Variants in DEPDC1B observed in about 807,000 individuals in gnomAD.
The protein encoded by DEPDC1B is DEP domain-containing protein 1B.
DEPDC1B carries 51 observed loss-of-function variants against 66.5 expected under a neutral mutation model. The observed-to-expected ratio is 0.77, with a 90% CI of 0.61 to 0.97. The LOEUF is 0.97. Among genes scored for constraint, DEPDC1B ranks in the 50% least tolerant of loss-of-function variants. The pLI, the probability that DEPDC1B is intolerant of heterozygous loss-of-function variation, is 0.00. For missense variants in DEPDC1B, 552 were observed against 637.1 expected (o/e 0.87, Z 1.44); for synonymous variants, 226 against 223.6 (o/e 1.01, Z -0.10).
intron 2 of DEPDC1B, among the ~76,000 whole-genome samples, chr5:60,650,700 T>C (rs1753429190): frequency 1.3e-5 from 2 of 152,176 alleles, no homozygotes; most frequent in South Asian, 4.2e-4. Flanking sequence ...CTGAGCCAAC[T>C]GGTTATCCAT....
intron 2 of DEPDC1B, among the ~76,000 whole-genome samples, chr5:60,652,572 G>A (rs1477573022): frequency 6.7e-6 from 1 of 149,072 alleles, no homozygotes; most frequent in Non-Finnish European, 1.5e-5. Context: ...TAGGAACTCA[G>A]TTTATAAGGT....
chr5:60,658,436 G>A (rs1460378160), intron 2 of DEPDC1B, among the ~76,000 whole-genome samples: 2 of 152,018 alleles, frequency 1.3e-5, no homozygotes, highest in Admixed American at 6.6e-5. Flanking sequence ...ATGTCAAAGG[G>A]AAGATCTGGG....
intron 2 of DEPDC1B, among the ~76,000 whole-genome samples, chr5:60,653,788 G>A (rs1753512885): frequency 7.6e-6 from 1 of 132,324 alleles, no homozygotes; most frequent in Admixed American, 7.4e-5. Context: ...TGCATAAGGT[G>A]AGAGATGAGG....
At chr5:60,623,333 A>G (rs1384234623) in intron 7 of DEPDC1B, among the ~76,000 whole-genome samples, 3 of 152,134 alleles carry the variant, frequency 2.0e-5, no homozygotes, top group Admixed American at 6.5e-5. Context: ...AGGCCTAAAT[A>G]TCTATCCTTA....
chr5:60,687,138 C>T lies in DEPDC1B; in HGVS notation c.138G>A (p.Ala46=), dbSNP rs753975071. Reference sequence around the variant, plus strand: ...CATGCAGCCAATCCACAGCTTCGGCCGCTGTGAAACAATGCTCATAGCTCT... The same window carrying T: ...CATGCAGCCAATCCACAGCTTCGGCTGCTGTGAAACAATGCTCATAGCTCT... ...RFKSYEHCFT[A]AEAVDWLHEL... Residue 46 remains alanine (A), a synonymous_variant, in exon 2 of 11, where the codon GCG becomes GCA. Coordinates refer to ENST00000265036, the MANE Select transcript of DEPDC1B (RefSeq NM_018369.3). 117 of 1,613,998 alleles carry T rather than the reference C, an allele frequency of 7.2e-5. No homozygotes were observed. Among genetic ancestry groups the T allele is most frequent in the Admixed American group, 8.3e-5 (5 of 59,992 alleles).
intron 1 of DEPDC1B, among the ~76,000 whole-genome samples, chr5:60,698,226 C>G (rs971790741): frequency 6.6e-6 from 1 of 152,172 alleles, no homozygotes; most frequent in African/African-American, 2.4e-5. Flanking sequence ...ATAGAGTGTT[C>G]GCAAAGATGA....
rs184954449 is a variant in DEPDC1B at position 60,668,389 on chromosome 5, C to T, written c.314+18573G>A. On this transcript the variant is annotated intron_variant, in intron 2 of 10. Transcript: ENST00000265036. ...TCCCAGGTTCAAGCAATTGTCCTGCCTCAGCCTCCCAAGTAGCTTGGACTA... is the reference window on the plus strand; with the variant it reads ...TCCCAGGTTCAAGCAATTGTCCTGCTTCAGCCTCCCAAGTAGCTTGGACTA... Among the ~76,000 whole-genome samples, 521 of 150,938 alleles carry T rather than the reference C, an allele frequency of 3.5e-3. 2 individuals are homozygous for T. The highest frequency in any genetic ancestry group is 6.0e-3 in the Non-Finnish European group (406 of 67,782).
intron 9 of DEPDC1B, among the ~76,000 whole-genome samples, chr5:60,600,964 G>A (rs1205607055): frequency 2.0e-5 from 3 of 152,186 alleles, no homozygotes; most frequent in African/African-American, 7.2e-5. Flanking sequence ...TTCCCCCCAT[G>A]CTGTTCTTAT....
intron 1 of DEPDC1B, among the ~76,000 whole-genome samples, chr5:60,694,132 T>A (rs1232534016): frequency 6.6e-6 from 1 of 152,180 alleles, no homozygotes; most frequent in Non-Finnish European, 1.5e-5. Flanking sequence ...AGAGTTTGCA[T>A]GTCTTACTCC....
At chr5:60,682,108 C>A (rs763674262) in intron 2 of DEPDC1B, among the ~76,000 whole-genome samples, 4 of 152,056 alleles carry the variant, frequency 2.6e-5, no homozygotes, top group African/African-American at 9.7e-5. Flanking sequence ...GAAGAAAAAA[C>A]CAACCCAAAT....
chr5:60,609,624 C>T (rs965830406), intron 7 of DEPDC1B, among the ~76,000 whole-genome samples: 2 of 152,112 alleles, frequency 1.3e-5, no homozygotes, highest in African/African-American at 4.8e-5. Context: ...GGGGAGAAAA[C>T]CCACTGTAAG....
At chr5:60,643,879 T>A (rs1391765727) in intron 5 of DEPDC1B, among the ~76,000 whole-genome samples, 4 of 152,218 alleles carry the variant, frequency 2.6e-5, no homozygotes, top group Non-Finnish European at 5.9e-5. Context: ...GTTCTGCTCC[T>A]GTCAGGAAAC....
chr5:60,608,626 A>C (rs1169780593), intron 7 of DEPDC1B, among the ~76,000 whole-genome samples: 1 of 137,592 alleles, frequency 7.3e-6, no homozygotes, highest in Non-Finnish European at 1.5e-5. Flanking sequence ...ATATTTTAAA[A>C]TTAAGAGTAC....
At chr5:60,641,325 T>C (rs904227785) in intron 6 of DEPDC1B, among the ~76,000 whole-genome samples, 1 of 151,746 alleles carries the variant, frequency 6.6e-6, no homozygotes, top group Non-Finnish European at 1.5e-5. Context: ...TAGCTTCCTA[T>C]GTTCATTCCT....
At chr5:60,647,296 T>G in intron 3 of DEPDC1B, 102 bp downstream of exon 3, 1 of 1,421,032 alleles carries the variant, frequency 7.0e-7, no homozygotes, top group Non-Finnish European at 9.3e-7. Context: ...TAAAGTACCT[T>G]TAAATTATTG....
intron 1 of DEPDC1B, among the ~76,000 whole-genome samples, chr5:60,693,862 G>A (rs909747998): frequency 4.6e-5 from 7 of 151,942 alleles, no homozygotes; most frequent in East Asian, 1.9e-4. Context: ...ATGTAGGGCC[G>A]GGGGAAGGGG....
intron 2 of DEPDC1B, among the ~76,000 whole-genome samples, chr5:60,654,939 A>G (rs1753543322): frequency 6.7e-6 from 1 of 148,958 alleles, no homozygotes. Context: ...ATTGACTTGC[A>G]GATGTTAAAC....
At chr5:60,698,663 C>A (rs1027414497) in intron 1 of DEPDC1B, among the ~76,000 whole-genome samples, 45 of 132,106 alleles carry the variant, frequency 3.4e-4, no homozygotes, top group African/African-American at 1.2e-3. Flanking sequence ...TCCCAATCTC[C>A]TTATTATTTT....
intron 2 of DEPDC1B, among the ~76,000 whole-genome samples, chr5:60,682,830 G>C (rs1363848414): frequency 1.3e-5 from 2 of 152,066 alleles, no homozygotes; most frequent in Non-Finnish European, 2.9e-5. Context: ...TCCAGGACTG[G>C]ACAACTTTAC....
Sources: gnomAD v4.1 joint callset for allele counts (sites outside exome capture counted in the v4.1 genomes callset) on GRCh38, gnomAD v4.1.1 for gene constraint, MANE v1.5 for transcripts, NCBI Gene and HGNC (gene_info 2026-07-23, HGNC 2026-07-21) for gene names.